ANO10: variants seen among roughly 807,000 people sequenced by gnomAD.
ANO10 encodes the protein anoctamin 10.
Under a neutral mutation model 74.7 loss-of-function variants are expected in ANO10, and 77 were observed. The ratio of observed to expected loss-of-function variants is 1.03; its 90% CI spans 0.86 to 1.25. The LOEUF (loss-of-function observed/expected upper bound fraction) is 1.25. Among genes scored for constraint, ANO10 ranks in the 50% most tolerant of loss-of-function variants. The pLI is 0.00. For missense variants in ANO10, 721 were observed against 778.1 expected, an observed-to-expected ratio of 0.93 and a Z score of 0.87; for synonymous variants, 279 against 284.9, an observed-to-expected ratio of 0.98 and a Z score of 0.21.
At chr3:43,641,704 G>GC (rs1169586929) in intron 1 of ANO10, among the ~76,000 whole-genome samples, 2 of 152,128 alleles carry the variant, frequency 1.3e-5, no homozygotes, top group African/African-American at 2.4e-5. Flanking sequence ...AGCACACATG[G>GC]CACTGTCTAT....
chr3:43,473,231 T>C (rs990769835), intron 11 of ANO10, among the ~76,000 whole-genome samples: 1 of 152,168 alleles, frequency 6.6e-6, no homozygotes, highest in Non-Finnish European at 1.5e-5. Context: ...TATGTCTCTC[T>C]GGTCTCTTTT....
chr3:43,386,193 T>C (rs763442747), intron 12 of ANO10, among the ~76,000 whole-genome samples: 69 of 152,242 alleles, frequency 4.5e-4, no homozygotes, highest in South Asian at 1.2e-3. Flanking sequence ...GAGACCTGGT[T>C]TAAATCATTT....
At chr3:43,601,294 C>G (rs2082327991) in intron 2 of ANO10, among the ~76,000 whole-genome samples, 1 of 152,228 alleles carries the variant, frequency 6.6e-6, no homozygotes, top group Non-Finnish European at 1.5e-5. Flanking sequence ...CAACCTCCAC[C>G]TGCCAGGTTC....
At chr3:43,412,282 C>G (rs1244173863) in intron 12 of ANO10, among the ~76,000 whole-genome samples, 1 of 152,064 alleles carries the variant, frequency 6.6e-6, no homozygotes, top group East Asian at 1.9e-4. Flanking sequence ...CAGGGCTTGA[C>G]AGGCGTGTGT....
chr3:43,427,750 T>A (rs1168713765), intron 12 of ANO10, among the ~76,000 whole-genome samples: 3 of 152,198 alleles, frequency 2.0e-5, no homozygotes, highest in Non-Finnish European at 4.4e-5. Context: ...AATGTCAGAT[T>A]AAAGAAAAAT....
chr3:43,522,789 T>A (rs1351429293), intron 11 of ANO10, among the ~76,000 whole-genome samples: 1 of 152,166 alleles, frequency 6.6e-6, no homozygotes, highest in African/African-American at 2.4e-5. Flanking sequence ...CTAGAGCTGG[T>A]TCAGCAATGA....
chr3:43,565,522 T>C, intron 8 of ANO10, 131 bp downstream of exon 8: 1 of 811,800 alleles, frequency 1.2e-6, no homozygotes, highest in Non-Finnish European at 1.9e-6. Flanking sequence ...TATTTAGAAT[T>C]TGGCTTAAAA....
intron 2 of ANO10, among the ~76,000 whole-genome samples, chr3:43,600,921 G>A (rs990832784): frequency 8.6e-5 from 13 of 151,732 alleles, no homozygotes; most frequent in African/African-American, 1.9e-4. Context: ...ATAAATAGAC[G>A]AAAATTTAAG....
intron 11 of ANO10, among the ~76,000 whole-genome samples, chr3:43,500,044 G>A (rs574380602): frequency 3.9e-5 from 6 of 151,948 alleles, no homozygotes; most frequent in Admixed American, 6.6e-5. Flanking sequence ...ACAGGGTTTC[G>A]TCATGTTGGC....
chr3:43,460,054 G>A (rs2075311406), intron 11 of ANO10, among the ~76,000 whole-genome samples: 2 of 152,062 alleles, frequency 1.3e-5, no homozygotes, highest in Admixed American at 1.3e-4. Context: ...CAAAAGAACA[G>A]CAAAGAAACA....
At chr3:43,595,032 G>C (rs1374048524) in intron 4 of ANO10, among the ~76,000 whole-genome samples, 4 of 152,094 alleles carry the variant, frequency 2.6e-5, no homozygotes, top group African/African-American at 7.2e-5. Flanking sequence ...ATAAATTCCT[G>C]GACACATACA....
intron 8 of ANO10, among the ~76,000 whole-genome samples, chr3:43,562,203 A>G (rs372946500): frequency 9.2e-5 from 14 of 152,142 alleles, no homozygotes; most frequent in African/African-American, 3.4e-4. Context: ...CTGTAATCCC[A>G]GCACTTTGGG....
chr3:43,395,645 C>T (rs1364257047), intron 12 of ANO10, among the ~76,000 whole-genome samples: 1 of 152,086 alleles, frequency 6.6e-6, no homozygotes, highest in Non-Finnish European at 1.5e-5. Flanking sequence ...CTACACTATT[C>T]CCCCCTGTAT....
intron 11 of ANO10, among the ~76,000 whole-genome samples, chr3:43,458,786 G>C (rs903911980): frequency 3.3e-5 from 5 of 152,076 alleles, no homozygotes; most frequent in African/African-American, 9.7e-5. Flanking sequence ...TTAGGGATTT[G>C]TCCTAACGCT....
rs916911317 is a variant in ANO10 at position 43,552,879 on chromosome 3, T to C, written c.1668+2399A>G. On this transcript the variant is annotated intron_variant, in intron 10 of 12. Coordinates refer to ENST00000292246, the MANE Select transcript of ANO10 (RefSeq NM_018075.5). Reference sequence around the variant, plus strand: ...CGCAATCTCAGCACACTGCAACCCCTGCCTCCCAGGTTCAAGCAATTCTCC... The same window carrying C: ...CGCAATCTCAGCACACTGCAACCCCCGCCTCCCAGGTTCAAGCAATTCTCC... Among the ~76,000 whole-genome samples, 4 of 151,982 alleles carry C rather than the reference T, an allele frequency of 2.6e-5. No individual in the cohort carries two copies. The East Asian group carries it at 7.8e-4, about 29-fold the overall frequency.
At chr3:43,490,920 A>G (rs923148901) in intron 11 of ANO10, among the ~76,000 whole-genome samples, 1 of 152,148 alleles carries the variant, frequency 6.6e-6, no homozygotes, top group Admixed American at 6.5e-5. Flanking sequence ...CTCCTAATAG[A>G]TAGAGAACAC....
chr3:43,484,273 C>T (rs1451470163), intron 11 of ANO10, among the ~76,000 whole-genome samples: 4 of 152,142 alleles, frequency 2.6e-5, no homozygotes, highest in African/African-American at 7.2e-5. Context: ...GCTACAGAGG[C>T]CCAGCCAGAC....
chr3:43,549,830 T>C lies in ANO10; in HGVS notation c.1687A>G (p.Ser563Gly). 1.2e-6 allele frequency: 2 copies of C among 1,613,876 alleles called. No homozygotes were observed. The highest frequency in any genetic ancestry group is 1.7e-6 in the Non-Finnish European group (2 of 1,179,868). ...GVWQLAFETMSVISVVTNCAL... is the reference protein window; with the variant it reads ...GVWQLAFETMGVISVVTNCAL... ...CAGTTAGTGACCACAGATATAACAC[T>C]CATCGTTTCAAAAGCCAACTAAAAG... Residue 563 changes from serine (S) to glycine (G), a missense_variant, in exon 11 of 13, where the codon AGT (serine) becomes GGT (glycine). Coordinates refer to ENST00000292246, the MANE Select transcript of ANO10 (RefSeq NM_018075.5).
chr3:43,657,196 A>G (rs1575581951), intron 1 of ANO10, among the ~76,000 whole-genome samples: 1 of 152,158 alleles, frequency 6.6e-6, no homozygotes, highest in Admixed American at 6.5e-5. Flanking sequence ...ATTTTTGTTT[A>G]TTTGTTTTTG....
Sources: gnomAD v4.1 joint callset for allele counts (sites outside exome capture counted in the v4.1 genomes callset) on GRCh38, gnomAD v4.1.1 for gene constraint, MANE v1.5 for transcripts, NCBI Gene and HGNC (gene_info 2026-07-23, HGNC 2026-07-21) for gene names.